The following MFSD11 variants were observed in gnomAD, a reference collection of about 807,000 sequenced individuals.
The protein encoded by MFSD11 is UNC93-like protein MFSD11.
A neutral mutation model predicts 53.5 loss-of-function variants in MFSD11; 36 were observed. The observed-to-expected ratio is 0.67, with a 90% CI of 0.52 to 0.89. The LOEUF (loss-of-function observed/expected upper bound fraction) is 0.89, where lower values mean the gene tolerates loss of function less well. MFSD11 is among the 40% of genes least tolerant of loss of function. The probability of loss-of-function intolerance (pLI) is 0.00; values close to 1 mark genes in which losing one functional copy is unlikely to be tolerated. For missense variants in MFSD11, 530 were observed against 543.9 expected (o/e 0.97, Z 0.25); for synonymous variants, 186 against 184.9 (o/e 1.01, Z -0.05).
chr17:76,738,752 C>G (rs533992794), intron 1 of MFSD11, among the ~76,000 whole-genome samples, 186 bp from the exon 2 acceptor site: 14 of 152,300 alleles, frequency 9.2e-5, no homozygotes, highest in Admixed American at 3.3e-4. Flanking sequence ...TTTCCTCCCC[C>G]CTCCCTGTCA....
rs567871438 is a variant in MFSD11, at chr17:76,760,768, TG to T, written c.683-6617del. 8.0e-4 allele frequency among the ~76,000 whole-genome samples: 122 copies of T among 152,168 alleles called. 1 individual carries two copies. In the South Asian group the frequency reaches 0.013, roughly 16 times the overall value. On this transcript the variant is annotated intron_variant, in intron 8 of 12. Coordinates refer to ENST00000685175, the MANE Select transcript of MFSD11 (RefSeq NM_001242532.5). ...CTAGTCTTGAACTCCTGACCTCAGGTGATCTGTTCACCTTCGCCTCCCAAAG... is the reference window on the plus strand; with the variant it reads ...CTAGTCTTGAACTCCTGACCTCAGGTATCTGTTCACCTTCGCCTCCCAAAG...
chr17:76,740,374 A>C (rs901929028), intron 2 of MFSD11, among the ~76,000 whole-genome samples: 5 of 152,182 alleles, frequency 3.3e-5, no homozygotes, highest in Non-Finnish European at 7.3e-5. Context: ...AATAATGTTC[A>C]AGTGAGACCA....
intron 12 of MFSD11, 41 bp from the exon 13 acceptor site, chr17:76,778,147 C>T (rs759467703): frequency 1.0e-5 from 16 of 1,607,494 alleles, no homozygotes; most frequent in Non-Finnish European, 1.7e-6. Context: ...CTCAGTGTGG[C>T]CCCCGGTGCG....
At chr17:76,787,777 G>A in the MFSD11 span, among the ~76,000 whole-genome samples, 1 of 143,574 alleles carries the variant, frequency 7.0e-6, no homozygotes, top group Non-Finnish European at 1.5e-5. Context: ...TCCCAGCCAT[G>A]ACCGGGGAAA....
At chr17:76,743,489 T>C (rs1321236802) in intron 6 of MFSD11, 33 bp downstream of exon 6, 1 of 1,420,856 alleles carries the variant, frequency 7.0e-7, no homozygotes, top group Non-Finnish European at 9.6e-7. Context: ...TATTCAGATA[T>C]GTTCAAAGCA....
At chr17:76,753,191 C>G (rs9916811) in intron 7 of MFSD11, among the ~76,000 whole-genome samples, 1 of 151,992 alleles carries the variant, frequency 6.6e-6, no homozygotes, top group Non-Finnish European at 1.5e-5. Context: ...GATACCCAAA[C>G]AGTCATAGCA....
At chr17:76,774,123 A>G (rs1338788221) in intron 10 of MFSD11, among the ~76,000 whole-genome samples, 3 of 151,764 alleles carry the variant, frequency 2.0e-5, no homozygotes, top group African/African-American at 7.3e-5. Context: ...ACAGGGTTTC[A>G]CCATGTTGGC....
In MFSD11 at chr17:76,776,416, G is replaced by T; in HGVS notation, c.1060G>T (p.Ala354Ser). Residue 354 changes from alanine to serine, a missense_variant, in exon 12 of 13, where the codon GCC (alanine) becomes TCC (serine). Ala to Ser is a moderately conservative substitution (Grantham distance 99). Transcript: ENST00000685175. This position sits in a 1 kb window ranked among gnomAD's most constrained non-coding sequence, Gnocchi z 4.2. Reference protein sequence around the residue: ...SAYIKSSKEVAILCSFLLGLG... With the variant: ...SAYIKSSKEVSILCSFLLGLG... ...TTTTATTTTCTTCAGCAAAGAAGTTGCCATTCTCTGCAGTTTTCTGTTGGG... is the reference window on the plus strand; with the variant it reads ...TTTTATTTTCTTCAGCAAAGAAGTTTCCATTCTCTGCAGTTTTCTGTTGGG... 1.9e-6 allele frequency: 3 copies of T among 1,613,564 alleles called. No individual in the cohort carries two copies. The highest frequency in any genetic ancestry group is 8.5e-7 in the Non-Finnish European group (1 of 1,179,814).
At chr17:76,736,812 G>A, upstream of MFSD11, 2 of 1,581,996 alleles carry the variant, frequency 1.3e-6, no homozygotes, top group Non-Finnish European at 1.7e-6. Flanking sequence ...CGGCTCCGGC[G>A]TCCGTAGCCA....
Position 76,741,039 on chromosome 17 carries a change from A to C in MFSD11, c.235A>C (p.Met79Leu), listed in dbSNP as rs773251685. The C allele has an allele frequency of 3.1e-5, 50 of 1,609,334 alleles. No individual in the cohort carries two copies. The highest frequency in any genetic ancestry group is 5.5e-5 in the South Asian group (5 of 90,972). The change falls in exon 3 of 13, where the codon ATG becomes CTG. Residue 79 changes from methionine to leucine, a missense_variant. Physicochemically the swap from Met to Leu is conservative, Grantham distance 15. Coordinates refer to ENST00000685175, the MANE Select transcript of MFSD11 (RefSeq NM_001242532.5). ...VVAIVGPQLS[M>L]FASGLFYSMY... ...TGCCATTGTAGGACCTCAACTCTCT[A>C]TGTTTGCCAGTGGTTTATTTTACAG...
At chr17:76,743,878 T>C (rs1042158559) in intron 6 of MFSD11, among the ~76,000 whole-genome samples, 1 of 152,070 alleles carries the variant, frequency 6.6e-6, no homozygotes, top group Non-Finnish European at 1.5e-5. Context: ...GCCTCCCAAA[T>C]TGGTGGTATT....
chr17:76,744,298 T>C, intron 6 of MFSD11, 24 bp from the exon 7 acceptor site: 1 of 1,598,848 alleles, frequency 6.3e-7, no homozygotes. Context: ...CGATACTATC[T>C]TGTTTCTTCT....
the MFSD11 span, among the ~76,000 whole-genome samples, chr17:76,790,951 AAAAG>A: frequency 1.4e-5 from 2 of 147,946 alleles, 1 homozygote; most frequent in East Asian, 3.9e-4. Context: ...AAAAAAAAAA[AAAAG>A]AAATATTCTA....
chr17:76,783,369 C>T (rs1022376373), downstream of MFSD11, among the ~76,000 whole-genome samples: 1 of 152,080 alleles, frequency 6.6e-6, no homozygotes, highest in Non-Finnish European at 1.5e-5. Flanking sequence ...CCTTGAGCAA[C>T]GTTTATTGAA....
chr17:76,790,143 G>T, the MFSD11 span, among the ~76,000 whole-genome samples: 1 of 143,430 alleles, frequency 7.0e-6, no homozygotes, highest in Non-Finnish European at 1.5e-5. Flanking sequence ...GTGCAGTGGC[G>T]TGATCTTGGC....
chr17:76,747,132 C>T (rs566475867), intron 7 of MFSD11, among the ~76,000 whole-genome samples: 3 of 152,052 alleles, frequency 2.0e-5, no homozygotes, highest in Non-Finnish European at 4.4e-5. Flanking sequence ...ATATAGCTGC[C>T]ATAGATAATG....
At chr17:76,803,571 C>T in the MFSD11 span, among the ~76,000 whole-genome samples, 11 of 152,284 alleles carry the variant, frequency 7.2e-5, no homozygotes, top group East Asian at 1.2e-3. Flanking sequence ...TCATCTGGCA[C>T]CACCCAGATC....
intron 7 of MFSD11, chr17:76,747,817 G>C (rs554781767): frequency 6.6e-6 from 1 of 152,242 alleles, no homozygotes; most frequent in Admixed American, 6.6e-5. Flanking sequence ...GTGGATGAGG[G>C]GTTCTGTAAC....
intron 11 of MFSD11, 36 bp downstream of exon 11, chr17:76,775,207 C>T (rs748018568): frequency 3.4e-5 from 55 of 1,598,560 alleles, no homozygotes; most frequent in East Asian, 4.5e-5. Context: ...CGCTTGAGTA[C>T]GGGTGGGAGG....
Sources: gnomAD v4.1 joint callset for allele counts (sites outside exome capture counted in the v4.1 genomes callset) on GRCh38, gnomAD v4.1.1 for gene constraint, Gnocchi (gnomAD v3.1) non-coding constraint, MANE v1.5 for transcripts, NCBI Gene and HGNC (gene_info 2026-07-23, HGNC 2026-07-21) for gene names.